The following CLSTN2 variants were observed in gnomAD, a reference collection of about 807,000 sequenced individuals.
CLSTN2 encodes calsyntenin 2.
A neutral mutation model predicts 101.2 loss-of-function variants in CLSTN2; 48 were observed. That is an observed-to-expected ratio of 0.47 (90% CI 0.38 to 0.60). The LOEUF (loss-of-function observed/expected upper bound fraction) is 0.60, where lower values mean the gene tolerates loss of function less well. Ranked by LOEUF, CLSTN2 falls within the 20% of genes least tolerant of loss-of-function variation. CLSTN2 has a pLI of 0.00. For synonymous variants in CLSTN2, 481 were observed against 463.6 expected (o/e 1.04, Z -0.48); for missense variants, 1,160 against 1,238.2 (o/e 0.94, Z 0.95).
intron 1 of CLSTN2, among the ~76,000 whole-genome samples, chr3:140,123,525 G>T (rs147703499): frequency 6.6e-6 from 1 of 152,116 alleles, no homozygotes; most frequent in Non-Finnish European, 1.5e-5. Flanking sequence ...ATACCTCAGA[G>T]GTCAAAGTAA....
intron 1 of CLSTN2, among the ~76,000 whole-genome samples, chr3:140,017,257 A>G (rs576553478): frequency 6.6e-6 from 1 of 152,348 alleles, no homozygotes; most frequent in East Asian, 1.9e-4. Context: ...CTCCAGGCAC[A>G]GCCTCCTGTT....
intron 6 of CLSTN2, among the ~76,000 whole-genome samples, chr3:140,453,011 G>A (rs1306252564): frequency 6.6e-6 from 1 of 152,160 alleles, no homozygotes; most frequent in African/African-American, 2.4e-5. Context: ...TATGAGATGA[G>A]AGTGCAGCCC....
intron 1 of CLSTN2, among the ~76,000 whole-genome samples, chr3:139,970,202 A>G (rs1935671003): frequency 6.6e-6 from 1 of 152,108 alleles, no homozygotes; most frequent in Non-Finnish European, 1.5e-5. Context: ...GGAGGAGCAA[A>G]GTTTGAGAGC....
At chr3:140,194,186 G>A (rs1425055974) in intron 2 of CLSTN2, among the ~76,000 whole-genome samples, 1 of 152,024 alleles carries the variant, frequency 6.6e-6, no homozygotes, top group Non-Finnish European at 1.5e-5. Context: ...TTTATTTTTT[G>A]TAGTTCTGGA....
chr3:140,234,556 A>G (rs2086399866), intron 2 of CLSTN2, among the ~76,000 whole-genome samples: 1 of 152,190 alleles, frequency 6.6e-6, no homozygotes, highest in Admixed American at 6.5e-5. Flanking sequence ...GGTTTATTTT[A>G]AAATGCTTAA....
At chr3:140,462,466 A>T (rs1933586778) in intron 7 of CLSTN2, among the ~76,000 whole-genome samples, 1 of 152,224 alleles carries the variant, frequency 6.6e-6, no homozygotes, top group African/African-American at 2.4e-5. Flanking sequence ...GATTCAAATA[A>T]TAGAAATGTT....
At chr3:140,366,423 G>T (rs1202649169) in intron 2 of CLSTN2, among the ~76,000 whole-genome samples, 1 of 152,208 alleles carries the variant, frequency 6.6e-6, no homozygotes, top group East Asian at 1.9e-4. Context: ...AAGCAGGCAT[G>T]AAATATTTAG....
chr3:140,265,308 G>C (rs1034603333), intron 2 of CLSTN2, among the ~76,000 whole-genome samples: 1 of 152,144 alleles, frequency 6.6e-6, no homozygotes, highest in African/African-American at 2.4e-5. Context: ...ATGCACAGGG[G>C]GGCTGAGAAA....
chr3:140,358,965 G>C (rs2087700878), intron 2 of CLSTN2, among the ~76,000 whole-genome samples: 1 of 152,076 alleles, frequency 6.6e-6, no homozygotes, highest in Admixed American at 6.5e-5. Context: ...TCACCTCCCA[G>C]GCAGGACTGG....
chr3:140,391,197 C>T (rs1172083572), intron 2 of CLSTN2, among the ~76,000 whole-genome samples: 2 of 152,130 alleles, frequency 1.3e-5, no homozygotes, highest in Admixed American at 1.3e-4. Context: ...AGACAACAGG[C>T]TTTCTATCAA....
chr3:140,166,101 G>C (rs1474180158), intron 1 of CLSTN2, among the ~76,000 whole-genome samples: 1 of 152,160 alleles, frequency 6.6e-6, no homozygotes. Context: ...TGGATTTTCA[G>C]CTCCCCCTAA....
At chr3:140,317,595 A>G (rs953345127) in intron 2 of CLSTN2, among the ~76,000 whole-genome samples, 1 of 152,176 alleles carries the variant, frequency 6.6e-6, no homozygotes, top group Non-Finnish European at 1.5e-5. Flanking sequence ...CACCTGCAAA[A>G]CAGAAATTCT....
chr3:140,406,920 C>A (rs546498259), intron 4 of CLSTN2, among the ~76,000 whole-genome samples: 10 of 152,362 alleles, frequency 6.6e-5, no homozygotes, highest in African/African-American at 2.4e-4. Context: ...TAATTACTCA[C>A]CTTGATGAGC....
chr3:140,115,372 C>T (rs2009223942), intron 1 of CLSTN2, among the ~76,000 whole-genome samples: 2 of 152,146 alleles, frequency 1.3e-5, no homozygotes, highest in Admixed American at 1.3e-4. Context: ...AAATACAAGA[C>T]AGCCTATTCC....
At chr3:140,427,863 A>ATAT (rs1325798668) in intron 5 of CLSTN2, among the ~76,000 whole-genome samples, 1 of 152,188 alleles carries the variant, frequency 6.6e-6, no homozygotes, top group Admixed American at 6.5e-5. Context: ...TGAGCACTAT[A>ATAT]CAGTGAACCC....
intron 1 of CLSTN2, among the ~76,000 whole-genome samples, chr3:140,142,700 G>A (rs575071416): frequency 6.6e-6 from 1 of 152,202 alleles, no homozygotes; most frequent in African/African-American, 2.4e-5. Flanking sequence ...AGTCGGTGCT[G>A]TTGGGTCCTT....
chr3:140,533,235 G>C (rs1398842724), intron 9 of CLSTN2, among the ~76,000 whole-genome samples: 1 of 152,160 alleles, frequency 6.6e-6, no homozygotes, highest in South Asian at 2.1e-4. Flanking sequence ...TCCTTTAAGG[G>C]CTGGGTATGC....
chr3:140,193,468 T>C (rs2107837523), intron 2 of CLSTN2, among the ~76,000 whole-genome samples: 1 of 152,064 alleles, frequency 6.6e-6, no homozygotes, highest in South Asian at 2.1e-4. Context: ...GTTGTGCCCT[T>C]CCTTCTAGCC....
At chr3:140,130,909 AGTTTCCT>A (rs2009512507) in intron 1 of CLSTN2, among the ~76,000 whole-genome samples, 2 of 152,198 alleles carry the variant, frequency 1.3e-5, no homozygotes, top group Non-Finnish European at 2.9e-5. Context: ...TTTACACCAT[AGTTTCCT>A]GTTCCTGAGC....
Sources: allele counts gnomAD v4.1 joint callset (sites outside exome capture counted in the v4.1 genomes callset), GRCh38; gene constraint gnomAD v4.1.1; transcripts MANE v1.5; gene names NCBI Gene and HGNC (gene_info 2026-07-23, HGNC 2026-07-21).